Variants in PLCG2 observed in about 807,000 individuals in gnomAD.
PLCG2 encodes the protein 1-phosphatidylinositol 4,5-bisphosphate phosphodiesterase gamma-2.
PLCG2 carries 69 observed loss-of-function variants against 175.6 expected under a neutral mutation model. That is an observed-to-expected ratio of 0.39 (90% confidence interval 0.32 to 0.48). The LOEUF (loss-of-function observed/expected upper bound fraction) is 0.48, where lower values mean the gene tolerates loss of function less well. Among genes scored for constraint, PLCG2 ranks in the 20% least tolerant of loss-of-function variants. PLCG2 has a pLI of 0.91. For synonymous variants in PLCG2, 827 were observed against 624.0 expected (o/e 1.33, Z -4.85); for missense variants, 1,798 against 1,650.9 (o/e 1.09, Z -1.54).
intron 2 of PLCG2, among the ~76,000 whole-genome samples, chr16:81,757,610 A>C (rs969867656): frequency 6.6e-6 from 1 of 152,048 alleles, no homozygotes; most frequent in Non-Finnish European, 1.5e-5. Flanking sequence ...GTTGTTTCAC[A>C]TTTTCCTCCA....
At chr16:81,956,500 G>C (rs1329598781) in intron 31 of PLCG2, among the ~76,000 whole-genome samples, 195 bp from the exon 32 acceptor site, 1 of 152,150 alleles carries the variant, frequency 6.6e-6, no homozygotes, top group African/African-American at 2.4e-5. Flanking sequence ...TTTTTAAACT[G>C]CTTGCTTCCC....
At chr16:81,956,081 G>A (rs1418267497) in intron 31 of PLCG2, among the ~76,000 whole-genome samples, 3 of 152,070 alleles carry the variant, frequency 2.0e-5, no homozygotes, top group Admixed American at 2.0e-4. Context: ...CCCAGACCCC[G>A]GTGACCTTTA....
At chr16:81,763,419 T>C (rs973907441) in intron 2 of PLCG2, among the ~76,000 whole-genome samples, 1 of 152,240 alleles carries the variant, frequency 6.6e-6, no homozygotes, top group Admixed American at 6.5e-5. Flanking sequence ...CTTGTCCAGC[T>C]GCAGGTGGAT....
intron 15 of PLCG2, chr16:81,906,338 C>T (rs1353051632): frequency 6.6e-6 from 1 of 152,184 alleles, no homozygotes; most frequent in African/African-American, 2.4e-5. Flanking sequence ...ATCCCTTTAC[C>T]TAATGTGTAT....
intron 2 of PLCG2, among the ~76,000 whole-genome samples, chr16:81,771,069 A>AAAATAAAT (rs1555504903): frequency 6.9e-6 from 1 of 145,112 alleles, no homozygotes; most frequent in African/African-American, 2.5e-5. Context: ...AAAAAAAAAA[A>AAAATAAAT]AAATAAATAA....
chr16:81,848,533 C>T (rs1345916016), intron 2 of PLCG2, among the ~76,000 whole-genome samples: 1 of 152,140 alleles, frequency 6.6e-6, no homozygotes, highest in Non-Finnish European at 1.5e-5. Flanking sequence ...GTCTGGGTAA[C>T]CTGTGCTTTT....
At position 81,942,116 on chromosome 16, in the gene PLCG2, C is replaced by G. The variant is rs74029309; in HGVS notation, c.3481+2057C>G. ...TTTTATGGTAACTGCCTGCCAGTTC[C>G]TCTACTGAACTCATCCAGCAGAGAG... On this transcript the variant is annotated intron_variant, in intron 30 of 32. Coordinates refer to ENST00000564138, the MANE Select transcript of PLCG2 (RefSeq NM_002661.5). Among the ~76,000 whole-genome samples the G allele has an allele frequency of 3.5e-3, 540 of 152,290 alleles. 4 individuals carry two copies. Among genetic ancestry groups the G allele is most frequent in the African/African-American group, 0.012 (505 of 41,558 alleles).
At chr16:81,802,988 C>G (rs1911803809) in intron 2 of PLCG2, among the ~76,000 whole-genome samples, 1 of 152,150 alleles carries the variant, frequency 6.6e-6, no homozygotes, top group African/African-American at 2.4e-5. Context: ...TCCCCCAAAT[C>G]CTATACATTA....
At chr16:81,913,077 G>C (rs999036408) in intron 19 of PLCG2, among the ~76,000 whole-genome samples, 3 of 152,196 alleles carry the variant, frequency 2.0e-5, no homozygotes, top group African/African-American at 7.2e-5. Context: ...TTCGAGCCCA[G>C]ACAGCCCAGG....
chr16:81,795,459 T>A (rs1156921442), intron 2 of PLCG2, among the ~76,000 whole-genome samples: 4 of 152,202 alleles, frequency 2.6e-5, no homozygotes, highest in Non-Finnish European at 5.9e-5. Flanking sequence ...AACAAGTTAT[T>A]TCTTCCTGTA....
At chr16:81,847,859 C>A (rs1906205762) in intron 2 of PLCG2, among the ~76,000 whole-genome samples, 1 of 152,130 alleles carries the variant, frequency 6.6e-6, no homozygotes. Context: ...TTATCAGAGG[C>A]TTGAGCATCT....
At chr16:81,820,953 C>G (rs1466304251) in intron 2 of PLCG2, among the ~76,000 whole-genome samples, 2 of 148,998 alleles carry the variant, frequency 1.3e-5, no homozygotes, top group Non-Finnish European at 3.0e-5. Flanking sequence ...ATGGGGGCCT[C>G]ATCATGTTGG....
rs748964634 is a variant in PLCG2, at chr16:81,910,610, C to T, written c.1824C>T (p.Ser608=). ...ACTTGACTGACAACCTCACCTTCAGCAGCATCTATGCCCTCATCCAGCACT... is the reference window on the plus strand; with the variant it reads ...ACTTGACTGACAACCTCACCTTCAGTAGCATCTATGCCCTCATCCAGCACT... ...KYYLTDNLTF[S]SIYALIQHYR... The change falls in exon 18 of 33, where the codon AGC becomes AGT. Residue 608 remains serine (S), a synonymous_variant. Transcript: ENST00000564138. 4 of 1,614,000 alleles carry T rather than the reference C, an allele frequency of 2.5e-6. No individual in the cohort carries two copies. Among genetic ancestry groups the T allele is most frequent in the East Asian group, 2.2e-5 (1 of 44,898 alleles).
chr16:81,833,140 C>G (rs757237631), intron 2 of PLCG2, among the ~76,000 whole-genome samples: 1 of 152,146 alleles, frequency 6.6e-6, no homozygotes, highest in Non-Finnish European at 1.5e-5. Flanking sequence ...CATTCCTTCC[C>G]TGAGTCTGGT....
At position 81,895,913 on chromosome 16, in the gene PLCG2, C is replaced by A. The variant is rs1908864156; in HGVS notation, c.1179C>A (p.Ala393=). 3 of 1,614,064 alleles carry A rather than the reference C, an allele frequency of 1.9e-6. No individual in the cohort carries two copies. In the African/African-American group the frequency reaches 4.0e-5, roughly 22 times the overall value. The change falls in exon 13 of 33, where the codon GCC becomes GCA. Residue 393 remains alanine, a synonymous_variant. Coordinates refer to ENST00000564138, the MANE Select transcript of PLCG2 (RefSeq NM_002661.5). ...DDVVQAIKDH[A]FVTSSFPVIL... ...TCGTGCAGGCCATCAAAGACCACGC[C>A]TTTGTTACCTCGAGGTCAGTTGGCT...
intron 1 of PLCG2, among the ~76,000 whole-genome samples, chr16:81,741,506 C>T (rs185215719): frequency 6.6e-6 from 1 of 152,274 alleles, no homozygotes; most frequent in Admixed American, 6.5e-5. Context: ...TTTTGATACA[C>T]ATATAAAATA....
chr16:81,812,712 C>T (rs1182787902), intron 2 of PLCG2, among the ~76,000 whole-genome samples: 1 of 152,080 alleles, frequency 6.6e-6, no homozygotes, highest in Non-Finnish European at 1.5e-5. Context: ...TTAATTTTGC[C>T]ATTGCTTTTG....
At chr16:81,915,164 G>T (rs1419276360) in intron 19 of PLCG2, among the ~76,000 whole-genome samples, 1 of 152,196 alleles carries the variant, frequency 6.6e-6, no homozygotes, top group Non-Finnish European at 1.5e-5. Context: ...GTCAGGCAGG[G>T]TGGTGGAGGG....
chr16:81,811,149 G>C (rs978538048), intron 2 of PLCG2, among the ~76,000 whole-genome samples: 5 of 152,170 alleles, frequency 3.3e-5, no homozygotes, highest in Admixed American at 6.5e-5. Context: ...GCAGTGTTGG[G>C]GTTGAACAAG....
Sources: gnomAD v4.1 joint callset for allele counts (sites outside exome capture counted in the v4.1 genomes callset) on GRCh38, gnomAD v4.1.1 for gene constraint, MANE v1.5 for transcripts, NCBI Gene and HGNC (gene_info 2026-07-23, HGNC 2026-07-21) for gene names.